CR1L: variants seen among roughly 807,000 people sequenced by gnomAD.
The protein encoded by CR1L is complement component receptor 1-like protein.
A neutral mutation model predicts 62.3 loss-of-function variants in CR1L; 59 were observed. That is an observed-to-expected ratio of 0.95 (90% CI 0.77 to 1.18). The LOEUF is 1.18. Ranked by LOEUF, CR1L falls within the 50% of genes most tolerant of loss-of-function variation. The pLI, the probability that CR1L is intolerant of heterozygous loss-of-function variation, is 0.00. For missense variants in CR1L, 700 were observed against 702.8 expected (o/e 1.00, Z 0.04); for synonymous variants, 279 against 248.7 (o/e 1.12, Z -1.15).
chr1:207,699,986 G>T (rs1393411853), intron 8 of CR1L, among the ~76,000 whole-genome samples: 1 of 152,142 alleles, frequency 6.6e-6, no homozygotes, highest in Non-Finnish European at 1.5e-5. Context: ...CTCAAAATAT[G>T]TACCTAAATA....
At chr1:207,723,542 G>A (rs1005959220) in intron 11 of CR1L, 76 bp from the exon 12 acceptor site, 2 of 1,222,004 alleles carry the variant, frequency 1.6e-6, no homozygotes, top group Admixed American at 2.3e-5. Flanking sequence ...AGGATAAATT[G>A]TCACTGGCTG....
intron 1 of CR1L, among the ~76,000 whole-genome samples, chr1:207,671,144 A>G (rs1663609631): frequency 6.6e-6 from 1 of 151,058 alleles, no homozygotes; most frequent in African/African-American, 2.5e-5. Context: ...GTCCACGTGT[A>G]TAAAATGAGC....
At chr1:207,697,914 G>A (rs1285137110) in intron 7 of CR1L, 41 bp downstream of exon 7, 1 of 1,612,836 alleles carries the variant, frequency 6.2e-7, no homozygotes, top group Non-Finnish European at 8.5e-7. Flanking sequence ...ATTGAAATTG[G>A]GGTTAGGAAT....
chr1:207,716,492 G>A (rs541756344), intron 10 of CR1L, among the ~76,000 whole-genome samples: 1 of 151,536 alleles, frequency 6.6e-6, no homozygotes, highest in East Asian at 1.9e-4. Flanking sequence ...AGCAAGGCAT[G>A]ATTTTTTTAA....
chr1:207,709,020 T>C (rs1664312336), intron 10 of CR1L: 4 of 316,252 alleles, frequency 1.3e-5, no homozygotes, highest in South Asian at 1.1e-4. Context: ...AATCTGTAAG[T>C]ATCATGTTTA....
intron 9 of CR1L, among the ~76,000 whole-genome samples, chr1:207,705,412 T>G (rs1376490202): frequency 1.3e-5 from 2 of 152,206 alleles, no homozygotes; most frequent in Non-Finnish European, 2.9e-5. Flanking sequence ...CAGCGCATGG[T>G]CCAGCTGTTG....
chr1:207,719,348 T>C (rs927887893), intron 11 of CR1L, among the ~76,000 whole-genome samples: 1 of 151,596 alleles, frequency 6.6e-6, no homozygotes, highest in Non-Finnish European at 1.5e-5. Flanking sequence ...AAAGGGTTAA[T>C]AGTGTTATCT....
At chr1:207,721,465 G>A (rs931897675) in intron 11 of CR1L, among the ~76,000 whole-genome samples, 1 of 151,226 alleles carries the variant, frequency 6.6e-6, no homozygotes, top group Non-Finnish European at 1.5e-5. Flanking sequence ...TCTTGCGATA[G>A]TTTACTGAGA....
At chr1:207,711,468 T>C (rs74638211) in intron 10 of CR1L, 2,437 of 154,510 alleles carry the variant, frequency 0.016, 32 homozygotes, top group Non-Finnish European at 0.026. Context: ...CAGATGGCGA[T>C]GAAAGCAATC....
At chr1:207,660,239 C>T (rs532265034) in intron 1 of CR1L, among the ~76,000 whole-genome samples, 19 of 152,344 alleles carry the variant, frequency 1.2e-4, no homozygotes, top group South Asian at 2.1e-4. Context: ...CCCTGACCCC[C>T]GTATAGCCTA....
In CR1L at chr1:207,645,256, A is replaced by G. The variant is rs1284475814; in HGVS notation, c.23A>G (p.Glu8Gly). The change falls in exon 1 of 12, where the codon GAG becomes GGG. Residue 8 changes from glutamate to glycine, a missense_variant. Physicochemically the swap from Glu to Gly is moderately conservative, Grantham distance 98. Transcript: ENST00000508064. MAPPVRLERPFPSRRFPG... is the reference protein window; with the variant it reads MAPPVRLGRPFPSRRFPG... ...CTCATGGCGCCTCCCGTCCGTCTCG[A>G]GCGTCCCTTTCCTTCCCGGCGCTTT... 2 of 1,613,344 alleles carry G rather than the reference A, an allele frequency of 1.2e-6. No individual in the cohort carries two copies. The highest frequency in any genetic ancestry group is 3.3e-5 in the Admixed American group (2 of 60,010).
chr1:207,673,209 C>A (rs1378842403), intron 1 of CR1L, among the ~76,000 whole-genome samples: 1 of 152,060 alleles, frequency 6.6e-6, no homozygotes, highest in East Asian at 1.9e-4. Context: ...TTTTTTGTCC[C>A]CTTAGATGTC....
At chr1:207,712,423 A>T (rs1317397421) in intron 10 of CR1L, among the ~76,000 whole-genome samples, 1 of 152,170 alleles carries the variant, frequency 6.6e-6, no homozygotes, top group African/African-American at 2.4e-5. Context: ...ATTGTGTTCT[A>T]TTTCTCTACC....
chr1:207,663,530 G>A (rs912182617), intron 1 of CR1L, among the ~76,000 whole-genome samples: 3 of 152,312 alleles, frequency 2.0e-5, no homozygotes, highest in South Asian at 2.1e-4. Flanking sequence ...AATTTTCCAG[G>A]TGCCATCTGT....
intron 1 of CR1L, among the ~76,000 whole-genome samples, chr1:207,664,466 T>C (rs960434421): frequency 6.6e-6 from 1 of 152,220 alleles, no homozygotes; most frequent in Non-Finnish European, 1.5e-5. Flanking sequence ...CCTCCTTAGT[T>C]GAGTCCTGTA....
intron 4 of CR1L, among the ~76,000 whole-genome samples, chr1:207,692,504 T>C (rs1664012602): frequency 6.6e-6 from 1 of 152,184 alleles, no homozygotes; most frequent in African/African-American, 2.4e-5. Flanking sequence ...TAAAACCTAC[T>C]TGACTAGCGT....
intron 5 of CR1L, among the ~76,000 whole-genome samples, chr1:207,695,090 CAA>C (rs1664055585): frequency 6.6e-6 from 1 of 152,040 alleles, no homozygotes; most frequent in Non-Finnish European, 1.5e-5. Flanking sequence ...ATCCTTAAAA[CAA>C]AGTTATTAGG....
Position 207,669,155 on chromosome 1 carries a change from A to C in CR1L, c.98-8234A>C, listed in dbSNP as rs1169074663. 3 of 273,300 alleles carry C rather than the reference A, an allele frequency of 1.1e-5. No individual in the cohort carries two copies. In the Admixed American group the frequency reaches 1.5e-4, roughly 14 times the overall value. 16.9% of individuals were successfully genotyped at this position (273,300 alleles called of 1,614,324 possible). A position where few individuals can be genotyped will look rare whatever the true frequency, so the allele number is the denominator to read the frequency against. ...TCTGGAAGGAAGCGCAGGGCCTCACACGCGGGATCCATCGGAAGCCCAAGC... is the reference window on the plus strand; with the variant it reads ...TCTGGAAGGAAGCGCAGGGCCTCACCCGCGGGATCCATCGGAAGCCCAAGC... On this transcript the variant is annotated intron_variant, in intron 1 of 11. Transcript: ENST00000508064.
intron 1 of CR1L, among the ~76,000 whole-genome samples, chr1:207,658,155 A>G (rs1479589604): frequency 6.6e-6 from 1 of 152,218 alleles, no homozygotes; most frequent in Non-Finnish European, 1.5e-5. Flanking sequence ...TGTATAGCAT[A>G]ACATACTTAC....
Sources: gnomAD v4.1 joint callset for allele counts (sites outside exome capture counted in the v4.1 genomes callset) on GRCh38, gnomAD v4.1.1 for gene constraint, MANE v1.5 for transcripts, NCBI Gene and HGNC (gene_info 2026-07-23, HGNC 2026-07-21) for gene names.